MROH2B: variants seen among roughly 807,000 people sequenced by gnomAD.
The protein encoded by MROH2B is maestro heat-like repeat-containing protein family member 2B.
Under a neutral mutation model 208.6 loss-of-function variants are expected in MROH2B, and 177 were observed. The observed-to-expected ratio is 0.85, with a 90% confidence interval of 0.75 to 0.96. The LOEUF (loss-of-function observed/expected upper bound fraction) is 0.96, where lower values mean the gene tolerates loss of function less well. MROH2B is among the 40% of genes least tolerant of loss of function. The pLI, the probability that MROH2B is intolerant of heterozygous loss-of-function variation, is 0.00. For synonymous variants in MROH2B, 728 were observed against 659.0 expected (o/e 1.10, Z -1.60); for missense variants, 2,002 against 1,878.7 (o/e 1.07, Z -1.21).
intron 19 of MROH2B, among the ~76,000 whole-genome samples, chr5:41,040,780 C>T (rs1368621810): frequency 1.3e-5 from 2 of 152,146 alleles, no homozygotes; most frequent in Non-Finnish European, 2.9e-5. Context: ...ATTCTCTTGC[C>T]TCAGCCTCCC....
chr5:41,019,343 T>TGAGA (rs143190915), intron 24 of MROH2B, among the ~76,000 whole-genome samples: 97,170 of 144,150 alleles, frequency 0.67, 32,217 homozygotes, highest in African/African-American at 0.83. Flanking sequence ...TGTGTGTGTG[T>TGAGA]GAGAGAGAGT....
At chr5:41,045,090 A>G (rs943935176) in intron 18 of MROH2B, among the ~76,000 whole-genome samples, 3 of 152,214 alleles carry the variant, frequency 2.0e-5, no homozygotes, top group Non-Finnish European at 4.4e-5. Context: ...ATGGATGGCT[A>G]CAAGGTGGAA....
chr5:41,018,462 A>G, intron 26 of MROH2B, 32 bp from the exon 27 acceptor site: 1 of 1,591,452 alleles, frequency 6.3e-7, no homozygotes, highest in Middle Eastern at 1.7e-4. Flanking sequence ...TTCTTTCCTT[A>G]GTATTCTTCA....
intron 28 of MROH2B, 137 bp downstream of exon 28, chr5:41,017,713 G>T: frequency 1.0e-6 from 1 of 962,954 alleles, no homozygotes; most frequent in Non-Finnish European, 1.5e-6. Flanking sequence ...GAGGAGAGGA[G>T]AAAAGGAGGA....
At chr5:41,066,556 C>T (rs1010418958) in intron 3 of MROH2B, among the ~76,000 whole-genome samples, 2 of 152,160 alleles carry the variant, frequency 1.3e-5, no homozygotes, top group African/African-American at 2.4e-5. Context: ...AATTGGTACT[C>T]TCATGAATGA....
At chr5:41,067,367 T>G in intron 2 of MROH2B, 149 bp from the exon 3 acceptor site, 3 of 572,174 alleles carry the variant, frequency 5.2e-6, no homozygotes, top group Non-Finnish European at 6.2e-6. Flanking sequence ...AGGCTTTCTT[T>G]TTTTTTTCTA....
chr5:41,008,447 T>C lies in MROH2B; in HGVS notation c.3608+159A>G, dbSNP rs1741663021. On this transcript the variant is annotated intron_variant, in intron 33 of 41. Transcript: ENST00000399564. ...CTGGATACTGGCTCAAGAAGAACTA[T>C]GGTGTCACGGCTTAGGGAGAGTAGA... is the stretch of plus-strand genomic sequence containing the variant. Among the ~76,000 whole-genome samples the C allele has an allele frequency of 2.0e-5, 3 of 152,158 alleles. No homozygotes were observed. In the South Asian group the frequency reaches 6.2e-4, roughly 32 times the overall value.
intron 24 of MROH2B, among the ~76,000 whole-genome samples, chr5:41,027,521 T>C (rs1742413017): frequency 6.6e-6 from 1 of 152,070 alleles, no homozygotes; most frequent in South Asian, 2.1e-4. Flanking sequence ...ATGGCAATCA[T>C]TAAAAAGTCA....
Position 41,050,996 on chromosome 5 carries a change from AG to A in MROH2B, c.1324del (p.Leu442TrpfsTer14). 6.4e-7 allele frequency: 1 copy of A among 1,573,736 alleles called. No individual in the cohort carries two copies. Among genetic ancestry groups the A allele is most frequent in the Non-Finnish European group, 8.6e-7 (1 of 1,164,028 alleles). ...ACTTACCTGAGGCATTCCAATGACC[AG>A]TGGGTCCAGGGTTTTTAAGACCTCA... ...SLEVLKTLDP[L>X]VIGMPQVLWP... On this transcript the variant is annotated frameshift_variant, in exon 13 of 42. Transcript: ENST00000399564. LOFTEE classifies it high-confidence loss of function.
In MROH2B at chr5:41,000,752, A is replaced by G; in HGVS notation, c.4276T>C (p.Phe1426Leu). ...AGGCTCTTTTTTATTTCTTCAGCAA[A>G]AAAAATCTTCCACCTTCTTCCTGTT... ...PLTGRRWKIF[F>L]AEEIKKSLIS... The change falls in exon 38 of 42, where the codon TTT becomes CTT. Residue 1426 changes from phenylalanine (F) to leucine (L), a missense_variant. Coordinates refer to ENST00000399564, the MANE Select transcript of MROH2B (RefSeq NM_173489.5). 1 of 1,611,670 alleles carries G rather than the reference A, an allele frequency of 6.2e-7. No individual in the cohort carries two copies. Among genetic ancestry groups the G allele is most frequent in the Non-Finnish European group, 8.5e-7 (1 of 1,179,036 alleles).
Position 41,012,584 on chromosome 5 carries a change from T to G in MROH2B, c.3134A>C (p.Gln1045Pro). The change falls in exon 30 of 42, where the codon CAG (glutamine) becomes CCG (proline). Residue 1045 changes from glutamine to proline, a missense_variant and splice_region_variant. Physicochemically the swap from Gln to Pro is moderately conservative, Grantham distance 76. Transcript: ENST00000399564. ...LKQQGAALED[Q>P]LLEILGTIYH... ...TGTTAAAACTGGCTATCAGTTCACC[T>G]GATCTTCCAGAGCAGCTCCCTGCTG... 6.2e-7 allele frequency: 1 copy of G among 1,606,746 alleles called. No homozygotes were observed. Among genetic ancestry groups the G allele is most frequent in the Non-Finnish European group, 8.5e-7 (1 of 1,177,970 alleles).
chr5:41,013,508 T>C (rs1741839477), intron 29 of MROH2B, among the ~76,000 whole-genome samples: 2 of 152,234 alleles, frequency 1.3e-5, no homozygotes, highest in Admixed American at 1.3e-4. Flanking sequence ...TTGTAGACAC[T>C]AGAGCGTTCC....
rs1199751090 is a variant in MROH2B, at chr5:41,004,838, T to C, written c.3947A>G (p.Asn1316Ser). ...ILMDQSAWDS[N>S]ATLRQMAIRG... is the part of the protein sequence containing the mutation. Reference sequence around the variant, plus strand: ...GATGGCCATCTGCCTCAGAGTGGCGTTGGAGTCCCAGGCACTTTGATCCAT... The same window carrying C: ...GATGGCCATCTGCCTCAGAGTGGCGCTGGAGTCCCAGGCACTTTGATCCAT... The change falls in exon 36 of 42, where the codon AAC (asparagine) becomes AGC (serine). Residue 1316 changes from asparagine to serine, a missense_variant. Transcript: ENST00000399564. The C allele has an allele frequency of 5.0e-6, 8 of 1,614,044 alleles. No homozygotes were observed. The highest frequency in any genetic ancestry group is 1.6e-4 in the Middle Eastern group (1 of 6,062).
Position 41,069,771 on chromosome 5 carries a change from T to C in MROH2B, c.29-19A>G. 1.3e-6 allele frequency: 2 copies of C among 1,564,880 alleles called. No individual in the cohort carries two copies. Among genetic ancestry groups the C allele is most frequent in the Non-Finnish European group, 1.8e-6 (2 of 1,142,492 alleles). On this transcript the variant is annotated intron_variant, in intron 1 of 41. Transcript: ENST00000399564. ...AACATCTCTAAAACGTACAGAAAAA[T>C]ATGAATTGAAATATATGCTGAAATG...
chr5:41,050,601 G>C (rs1579949657), intron 13 of MROH2B, among the ~76,000 whole-genome samples: 1 of 152,106 alleles, frequency 6.6e-6, no homozygotes, highest in Non-Finnish European at 1.5e-5. Context: ...AAATGATCAG[G>C]TCTCCAGTGA....
In MROH2B at chr5:41,000,786, C is replaced by T; in HGVS notation, c.4242G>A (p.Leu1414=). ...RLTAIFLFED[L]APLTGRRWKI... is the part of the protein sequence containing the mutation. ...TCCACCTTCTTCCTGTTAGGGGTGC[C>T]AGGTCCTCAAATAAGAAGATGGCAG... Residue 1414 remains leucine, a synonymous_variant, in exon 38 of 42, where the codon CTG becomes CTA. Coordinates refer to ENST00000399564, the MANE Select transcript of MROH2B (RefSeq NM_173489.5). The T allele has an allele frequency of 6.2e-7, 1 of 1,611,608 alleles. No homozygotes were observed. The highest frequency in any genetic ancestry group is 8.5e-7 in the Non-Finnish European group (1 of 1,178,982).
At chr5:41,057,563 C>CTTTTTTCTTTTTTTTTTTTTTTTTT (rs1743498786) in intron 7 of MROH2B, among the ~76,000 whole-genome samples, 1 of 73,252 alleles carries the variant, frequency 1.4e-5, no homozygotes, top group African/African-American at 5.1e-5. Flanking sequence ...AATATCCCTC[C>CTTTTTTCTTTTTTTTTTTTTTTTTT]TTTTTTTTTT....
At chr5:41,001,700 G>C (rs962541753) in intron 37 of MROH2B, among the ~76,000 whole-genome samples, 4 of 151,426 alleles carry the variant, frequency 2.6e-5, no homozygotes, top group African/African-American at 9.7e-5. Flanking sequence ...CCGGGTGACA[G>C]AGCAGGACTC....
chr5:41,002,678 G>A (rs1176647879), intron 37 of MROH2B, among the ~76,000 whole-genome samples: 1 of 152,180 alleles, frequency 6.6e-6, no homozygotes, highest in African/African-American at 2.4e-5. Context: ...ACACCTATTA[G>A]AGATGAGCAA....
Sources: allele counts gnomAD v4.1 joint callset (sites outside exome capture counted in the v4.1 genomes callset), GRCh38; gene constraint gnomAD v4.1.1; transcripts MANE v1.5; gene names NCBI Gene and HGNC (gene_info 2026-07-23, HGNC 2026-07-21).